Variants in ANKRD22 observed in about 807,000 individuals in gnomAD.
The protein encoded by ANKRD22 is ankyrin repeat domain-containing protein 22.
Under a neutral mutation model 25.7 loss-of-function variants are expected in ANKRD22, and 24 were observed. The observed-to-expected ratio is 0.93, with a 90% CI of 0.68 to 1.31. The LOEUF is 1.31. ANKRD22 is among the 50% of genes most tolerant of loss of function. ANKRD22 has a pLI of 0.00. For missense variants in ANKRD22, 214 were observed against 227.1 expected, an observed-to-expected ratio of 0.94 and a Z score of 0.37; for synonymous variants, 84 against 84.3, an observed-to-expected ratio of 1.00 and a Z score of 0.02.
chr10:88,837,021 G>A (rs983126931), intron 1 of ANKRD22, among the ~76,000 whole-genome samples: 1 of 152,188 alleles, frequency 6.6e-6, no homozygotes. Context: ...AGTCAGTTTG[G>A]CAGTGAAAAA....
intron 4 of ANKRD22, among the ~76,000 whole-genome samples, chr10:88,825,341 A>G (rs1318109330): frequency 1.3e-5 from 2 of 152,276 alleles, no homozygotes; most frequent in Non-Finnish European, 2.9e-5. Flanking sequence ...AAGAAAGATG[A>G]GTGCAAGAGC....
chr10:88,822,714 A>G lies in ANKRD22; in HGVS notation c.*227T>C, dbSNP rs1843812177. ...TCAGTTTCTGACTGAAGTGGAGACT[A>G]CAACAACTTTAGTGTTTCCCTTAGA... On this transcript the variant is annotated 3_prime_UTR_variant, in exon 6 of 6. Coordinates refer to ENST00000371930, the MANE Select transcript of ANKRD22 (RefSeq NM_144590.3). 2 of 473,196 alleles carry G rather than the reference A, an allele frequency of 4.2e-6. No homozygotes were observed. Among genetic ancestry groups the G allele is most frequent in the Non-Finnish European group, 7.6e-6 (2 of 263,094 alleles). 29.3% of individuals were successfully genotyped at this position (473,196 alleles called of 1,614,324 possible). A position where few individuals can be genotyped will look rare whatever the true frequency, so the allele number is the denominator to read the frequency against.
In ANKRD22 at chr10:88,831,911, C is replaced by G; in HGVS notation, c.137G>C (p.Cys46Ser). 6.2e-7 allele frequency: 1 copy of G among 1,613,578 alleles called. No homozygotes were observed. The highest frequency in any genetic ancestry group is 2.2e-5 in the East Asian group (1 of 44,848). ...DGFNGDTPLI[C>S]ACRRGHVRIV... ...TCTCACATGCCCTCGCCTGCAAGCA[C>G]AGATCAGGGGCGTGTCTCCATTAAA... The change falls in exon 2 of 6, where the codon TGT becomes TCT. Residue 46 changes from cysteine to serine, a missense_variant. Coordinates refer to ENST00000371930, the MANE Select transcript of ANKRD22 (RefSeq NM_144590.3).
At chr10:88,826,733 C>G (rs1346245852) in intron 3 of ANKRD22, among the ~76,000 whole-genome samples, 1 of 152,166 alleles carries the variant, frequency 6.6e-6, no homozygotes, top group African/African-American at 2.4e-5. Context: ...ACCCACCTGA[C>G]CAGGTGAAAT....
chr10:88,828,048 A>G (rs902721532), intron 3 of ANKRD22, among the ~76,000 whole-genome samples: 3 of 152,248 alleles, frequency 2.0e-5, no homozygotes, highest in African/African-American at 7.2e-5. Context: ...GCCAAGATTC[A>G]TCCAAGCATG....
At chr10:88,834,443 GA>G (rs1262148346) in intron 1 of ANKRD22, among the ~76,000 whole-genome samples, 1 of 152,168 alleles carries the variant, frequency 6.6e-6, no homozygotes, top group Non-Finnish European at 1.5e-5. Flanking sequence ...ATAAACTAGT[GA>G]AAATTTAATA....
At chr10:88,849,813 G>T (rs932062853) in intron 1 of ANKRD22, among the ~76,000 whole-genome samples, 1 of 151,988 alleles carries the variant, frequency 6.6e-6, no homozygotes, top group Non-Finnish European at 1.5e-5. Flanking sequence ...TTCAAAATTA[G>T]GGCCTCTCAC....
intron 1 of ANKRD22, among the ~76,000 whole-genome samples, chr10:88,840,585 T>A (rs1843995055): frequency 6.6e-6 from 1 of 152,100 alleles, no homozygotes; most frequent in Non-Finnish European, 1.5e-5. Context: ...TTATTAGCCA[T>A]CTCCATGCTA....
Position 88,820,508 on chromosome 10 carries a change from T to G in ANKRD22, c.*2433A>C. The G allele has an allele frequency of 6.5e-7, 1 of 1,547,856 alleles. No individual in the cohort carries two copies. The highest frequency in any genetic ancestry group is 8.7e-7 in the Non-Finnish European group (1 of 1,145,824). On this transcript the variant is annotated 3_prime_UTR_variant, in exon 6 of 6. Transcript: ENST00000371930. ...GTGTGAGGCCGTATTGTGAAGCATC[T>G]GACACTGACGATCTTAGGACAACCT...
At chr10:88,840,622 A>G (rs985517519) in intron 1 of ANKRD22, among the ~76,000 whole-genome samples, 3 of 152,166 alleles carry the variant, frequency 2.0e-5, no homozygotes, top group Non-Finnish European at 1.5e-5. Flanking sequence ...AAAATGTTCC[A>G]TGAAAACTTC....
intron 1 of ANKRD22, among the ~76,000 whole-genome samples, chr10:88,840,931 G>A (rs984059110): frequency 6.6e-5 from 10 of 152,196 alleles, no homozygotes; most frequent in Admixed American, 2.6e-4. Flanking sequence ...GGCCCACTCC[G>A]TCTCTGTGTA....
intron 1 of ANKRD22, among the ~76,000 whole-genome samples, chr10:88,834,346 C>T (rs1843932952): frequency 6.6e-6 from 1 of 151,976 alleles, no homozygotes; most frequent in South Asian, 2.1e-4. Flanking sequence ...AATATAATCA[C>T]CAGGGGGAAA....
chr10:88,825,825 T>A (rs1843850407), intron 4 of ANKRD22, among the ~76,000 whole-genome samples: 1 of 152,188 alleles, frequency 6.6e-6, no homozygotes, highest in Non-Finnish European at 1.5e-5. Flanking sequence ...ATTTTAAAAA[T>A]GCTTTATAAT....
intron 3 of ANKRD22, among the ~76,000 whole-genome samples, chr10:88,826,576 A>C (rs975550848): frequency 5.9e-5 from 9 of 152,280 alleles, no homozygotes; most frequent in Admixed American, 5.9e-4. Flanking sequence ...TTCTACTTAC[A>C]TTGGCCTTTG....
intron 2 of ANKRD22, among the ~76,000 whole-genome samples, chr10:88,831,382 T>C (rs1338796419): frequency 1.3e-5 from 2 of 152,226 alleles, no homozygotes; most frequent in East Asian, 3.8e-4. Context: ...TCAATAGTAC[T>C]CTTTCATTCT....
intron 1 of ANKRD22, 68 bp from the exon 2 acceptor site, chr10:88,832,094 A>G: frequency 6.9e-7 from 1 of 1,439,436 alleles, no homozygotes; most frequent in Non-Finnish European, 9.4e-7. Flanking sequence ...ACGAAAAAAA[A>G]GTCATAACCC....
intron 1 of ANKRD22, among the ~76,000 whole-genome samples, chr10:88,832,752 C>T (rs576621131): frequency 6.6e-6 from 1 of 152,276 alleles, no homozygotes; most frequent in South Asian, 2.1e-4. Context: ...TTATACAGAG[C>T]TTCACAAGGC....
At chr10:88,828,756 T>G in intron 2 of ANKRD22, 90 bp from the exon 3 acceptor site, 1 of 1,002,110 alleles carries the variant, frequency 1.0e-6, no homozygotes, top group Admixed American at 2.5e-5. Flanking sequence ...AGTTTGTGCT[T>G]TTTGTTTTTC....
intron 1 of ANKRD22, among the ~76,000 whole-genome samples, chr10:88,834,905 G>A (rs929998650): frequency 6.6e-6 from 1 of 152,028 alleles, no homozygotes; most frequent in Non-Finnish European, 1.5e-5. Context: ...TTCCAGCCTG[G>A]GCGACACAGC....
Sources: gnomAD v4.1 joint callset for allele counts (sites outside exome capture counted in the v4.1 genomes callset) on GRCh38, gnomAD v4.1.1 for gene constraint, MANE v1.5 for transcripts, NCBI Gene and HGNC (gene_info 2026-07-23, HGNC 2026-07-21) for gene names.